Variants in SMAD9 observed in about 807,000 individuals in gnomAD.
The protein encoded by SMAD9 is MAD homolog 9.
Under a neutral mutation model 46.1 loss-of-function variants are expected in SMAD9, and 36 were observed. That is an observed-to-expected ratio of 0.78 (90% CI 0.60 to 1.03). SMAD9 has a LOEUF of 1.03. Among genes scored for constraint, SMAD9 ranks in the 50% least tolerant of loss-of-function variants. The pLI, the probability that SMAD9 is intolerant of heterozygous loss-of-function variation, is 0.00. For missense variants in SMAD9, 572 were observed against 599.8 expected (o/e 0.95, Z 0.48); for synonymous variants, 245 against 237.1 (o/e 1.03, Z -0.31).
chr13:36,919,582 C>A (rs943209538), intron 1 of SMAD9, among the ~76,000 whole-genome samples: 1 of 151,906 alleles, frequency 6.6e-6, no homozygotes, highest in African/African-American at 2.4e-5. Flanking sequence ...ACAATGACGA[C>A]CCCCGCCGCC....
chr13:36,856,131 A>G (rs2058121818), intron 5 of SMAD9, among the ~76,000 whole-genome samples: 1 of 152,142 alleles, frequency 6.6e-6, no homozygotes, highest in Admixed American at 6.5e-5. Context: ...GCCAGGGCAA[A>G]ATGCAAACAC....
rs2058038660 is a variant in SMAD9 at position 36,846,410 on chromosome 13, G to A, written c.*2266C>T. 1 of 148,114 alleles carries A rather than the reference G, an allele frequency of 6.8e-6. No homozygotes were observed. The highest frequency in any genetic ancestry group is 2.1e-4 in the South Asian group (1 of 4,668). 9.2% of individuals were successfully genotyped at this position (148,114 alleles called of 1,614,324 possible). The stretch of plus-strand genomic sequence containing the variant: ...GAATCACTCGAACCCGGGAGGCAGA[G>A]GTTGCAGTGAGCCAAGATCACGCCA... On this transcript the variant is annotated 3_prime_UTR_variant, in exon 7 of 7. Coordinates refer to ENST00000379826, the MANE Select transcript of SMAD9 (RefSeq NM_001127217.3).
chr13:36,914,992 A>G (rs1427167811), intron 1 of SMAD9, among the ~76,000 whole-genome samples: 1 of 152,246 alleles, frequency 6.6e-6, no homozygotes, highest in Non-Finnish European at 1.5e-5. Context: ...TCTGTATTTG[A>G]TAGGCTTCTA....
At chr13:36,901,863 T>C (rs1307672513) in intron 1 of SMAD9, among the ~76,000 whole-genome samples, 3 of 152,244 alleles carry the variant, frequency 2.0e-5, no homozygotes, top group African/African-American at 7.2e-5. Flanking sequence ...TGTATTTTTG[T>C]TGTTGCATTG....
In SMAD9 at chr13:36,886,043, C is replaced by T. The variant is rs558478871; in HGVS notation, c.-186-6168G>A. ...AGAGGGGAGAGAGGCAGATGGCCAA[C>T]GCATATTGACTATCTTCATGATAAG... On this transcript the variant is annotated intron_variant, in intron 1 of 6. Transcript: ENST00000379826. 4.0e-4 allele frequency among the ~76,000 whole-genome samples: 61 copies of T among 152,240 alleles called. 1 individual carries two copies. In the South Asian group the frequency reaches 8.5e-3, roughly 21 times the overall value.
At chr13:36,854,723 CTT>C (rs1418349954) in intron 5 of SMAD9, among the ~76,000 whole-genome samples, 2 of 152,144 alleles carry the variant, frequency 1.3e-5, no homozygotes, top group African/African-American at 2.4e-5. Flanking sequence ...GAAAATGTAA[CTT>C]AAGTGCACAT....
intron 6 of SMAD9, among the ~76,000 whole-genome samples, chr13:36,853,114 G>A (rs1158344511): frequency 6.6e-6 from 1 of 152,096 alleles, no homozygotes; most frequent in East Asian, 1.9e-4. Context: ...GTGAAACCCT[G>A]TCTCTACTAA....
chr13:36,889,981 AAT>A (rs2058476843), intron 1 of SMAD9, among the ~76,000 whole-genome samples: 3 of 126,816 alleles, frequency 2.4e-5, no homozygotes, highest in Admixed American at 2.3e-4. Context: ...TGTCTTATGA[AAT>A]AAGTCATAAT....
At chr13:36,912,981 G>C (rs2138703511) in intron 1 of SMAD9, among the ~76,000 whole-genome samples, 1 of 152,272 alleles carries the variant, frequency 6.6e-6, no homozygotes, top group Non-Finnish European at 1.5e-5. Flanking sequence ...TGGTATATTT[G>C]CATATAACCT....
chr13:36,891,450 G>A (rs1412305336), intron 1 of SMAD9, among the ~76,000 whole-genome samples: 2 of 152,178 alleles, frequency 1.3e-5, no homozygotes, highest in Non-Finnish European at 2.9e-5. Flanking sequence ...ATATTGGGGA[G>A]GTGCTATTTC....
intron 1 of SMAD9, among the ~76,000 whole-genome samples, chr13:36,897,658 A>G: frequency 6.6e-6 from 1 of 152,208 alleles, no homozygotes; most frequent in South Asian, 2.1e-4. Context: ...TCATAAAAAC[A>G]AAATGTAGAA....
chr13:36,900,084 CTACT>C (rs2058561505), intron 1 of SMAD9, among the ~76,000 whole-genome samples: 1 of 152,100 alleles, frequency 6.6e-6, no homozygotes, highest in African/African-American at 2.4e-5. Context: ...TCTTTTCCTT[CTACT>C]CTCCCCCTTG....
chr13:36,870,948 G>A (rs1441900648), intron 3 of SMAD9, among the ~76,000 whole-genome samples: 1 of 152,112 alleles, frequency 6.6e-6, no homozygotes, highest in Non-Finnish European at 1.5e-5. Flanking sequence ...GCAATGGAAT[G>A]ATTCAGAACC....
At chr13:36,887,808 C>T (rs1056118514) in intron 1 of SMAD9, among the ~76,000 whole-genome samples, 3 of 152,142 alleles carry the variant, frequency 2.0e-5, no homozygotes, top group African/African-American at 7.2e-5. Flanking sequence ...GGAGCAGATA[C>T]AGGCAGGTTT....
rs61006734 is a variant in SMAD9, at chr13:36,882,227, C to CTGTGTGTG, written c.-186-2360_-186-2353dup. ...AAAAATTTTCATTCACAGGTATGTG[C>CTGTGTGTG]TGTGTGTGTGTGTGTGTGTGTGTGT... On this transcript the variant is annotated intron_variant, in intron 1 of 6. Transcript: ENST00000379826. Among the ~76,000 whole-genome samples the CTGTGTGTG allele has an allele frequency of 1.9e-3, 283 of 149,428 alleles. 1 individual carries two copies. The highest frequency in any genetic ancestry group is 3.3e-3 in the East Asian group (17 of 5,104).
intron 1 of SMAD9, among the ~76,000 whole-genome samples, chr13:36,892,789 A>G (rs1293047412): frequency 2.0e-5 from 3 of 152,204 alleles, no homozygotes; most frequent in Non-Finnish European, 4.4e-5. Context: ...GACAATAACA[A>G]GCAAGAAGTA....
intron 1 of SMAD9, among the ~76,000 whole-genome samples, chr13:36,883,787 A>G (rs935449676): frequency 2.6e-5 from 4 of 152,066 alleles, no homozygotes; most frequent in Non-Finnish European, 5.9e-5. Context: ...AAAAATATAA[A>G]CTGTGGTGGA....
At chr13:36,859,729 G>A (rs1050278166) in intron 5 of SMAD9, among the ~76,000 whole-genome samples, 5 of 152,188 alleles carry the variant, frequency 3.3e-5, no homozygotes, top group Admixed American at 2.6e-4. Flanking sequence ...GGGAAGCCGA[G>A]GCGGGTGGAT....
intron 5 of SMAD9, among the ~76,000 whole-genome samples, chr13:36,862,763 T>C (rs1374551529): frequency 6.6e-6 from 1 of 152,214 alleles, no homozygotes; most frequent in African/African-American, 2.4e-5. Flanking sequence ...AATCTTCTCT[T>C]GGGGTCTGAA....
Sources: gnomAD v4.1 joint callset for allele counts (sites outside exome capture counted in the v4.1 genomes callset) on GRCh38, gnomAD v4.1.1 for gene constraint, MANE v1.5 for transcripts, NCBI Gene and HGNC (gene_info 2026-07-23, HGNC 2026-07-21) for gene names.